ABCA12: variants seen among roughly 807,000 people sequenced by gnomAD.
ABCA12 encodes glucosylceramide transporter ABCA12.
In ABCA12, 156 loss-of-function variants were observed where a neutral mutation model predicts 293.5. The ratio of observed to expected loss-of-function variants is 0.53; its 90% CI spans 0.47 to 0.61. The LOEUF is 0.61. Ranked by LOEUF, ABCA12 falls within the 20% of genes least tolerant of loss-of-function variation. The pLI, the probability that ABCA12 is intolerant of heterozygous loss-of-function variation, is 0.00. For synonymous variants in ABCA12, 1,063 were observed against 1,108.0 expected (o/e 0.96, Z 0.81); for missense variants, 2,797 against 3,090.2 (o/e 0.91, Z 2.25).
chr2:214,937,718 AC>A, intron 50 of ABCA12, 103 bp from the exon 51 acceptor site: 1 of 813,214 alleles, frequency 1.2e-6, no homozygotes, highest in Non-Finnish European at 2.1e-6. Context: ...CCATTATATC[AC>A]CTTTTCTTTA....
intron 30 of ABCA12, among the ~76,000 whole-genome samples, chr2:214,981,156 G>A (rs1424516968): frequency 1.3e-5 from 2 of 151,628 alleles, no homozygotes; most frequent in South Asian, 2.1e-4. Flanking sequence ...ATATTTGGAC[G>A]CATTTTTTTT....
intron 8 of ABCA12, among the ~76,000 whole-genome samples, chr2:215,034,411 G>T (rs1023504517): frequency 5.9e-5 from 9 of 152,128 alleles, no homozygotes; most frequent in African/African-American, 1.7e-4. Flanking sequence ...AGAAATCAGA[G>T]TGTGGAGAGG....
chr2:214,979,145 A>G, intron 31 of ABCA12, 105 bp from the exon 32 acceptor site: 1 of 990,970 alleles, frequency 1.0e-6, no homozygotes, highest in Non-Finnish European at 1.6e-6. Flanking sequence ...GCCACTCCAC[A>G]CCTGAGTCAG....
intron 8 of ABCA12, among the ~76,000 whole-genome samples, chr2:215,033,987 G>T (rs1700938425): frequency 6.6e-6 from 1 of 152,038 alleles, no homozygotes; most frequent in African/African-American, 2.4e-5. Context: ...TACTGGGATA[G>T]ACACAGCTAA....
At chr2:215,116,946 G>A (rs1702699056) in intron 1 of ABCA12, among the ~76,000 whole-genome samples, 1 of 152,188 alleles carries the variant, frequency 6.6e-6, no homozygotes, top group Non-Finnish European at 1.5e-5. Context: ...AGATGCAGCA[G>A]GTAATTCTAA....
At chr2:214,941,757 C>T (rs1698409858) in intron 50 of ABCA12, among the ~76,000 whole-genome samples, 1 of 150,000 alleles carries the variant, frequency 6.7e-6, no homozygotes, top group African/African-American at 2.4e-5. Context: ...TTTGTTTTAT[C>T]AGAGACTAGG....
intron 48 of ABCA12, among the ~76,000 whole-genome samples, chr2:214,946,178 CTG>C (rs972541464): frequency 9.2e-5 from 14 of 152,058 alleles, no homozygotes; most frequent in African/African-American, 2.9e-4. Context: ...AAATATCACA[CTG>C]TACTCCATAA....
At chr2:215,031,467 A>G (rs1025512303) in intron 9 of ABCA12, among the ~76,000 whole-genome samples, 1 of 152,196 alleles carries the variant, frequency 6.6e-6, no homozygotes, top group Non-Finnish European at 1.5e-5. Flanking sequence ...TGCACAGAGC[A>G]AGACAGATAC....
At chr2:214,982,462 A>G (rs1031221866) in intron 29 of ABCA12, 79 bp from the exon 30 acceptor site, 15 of 1,140,394 alleles carry the variant, frequency 1.3e-5, no homozygotes, top group Non-Finnish European at 2.0e-5. Flanking sequence ...ACCCTAATTG[A>G]TATGTATTCA....
chr2:215,064,345 C>G (rs1701597439), intron 2 of ABCA12, 126 bp from the exon 3 acceptor site: 21 of 940,658 alleles, frequency 2.2e-5, no homozygotes, highest in Non-Finnish European at 3.5e-5. Context: ...CCCAACTGAG[C>G]CCCAACTCTG....
At chr2:215,102,011 T>A (rs1702366251) in intron 2 of ABCA12, among the ~76,000 whole-genome samples, 1 of 150,774 alleles carries the variant, frequency 6.6e-6, no homozygotes, top group South Asian at 2.1e-4. Context: ...AATGGTCCTA[T>A]TTTATTTGTT....
chr2:215,037,871 G>A (rs1467663103), intron 7 of ABCA12, among the ~76,000 whole-genome samples: 2 of 152,148 alleles, frequency 1.3e-5, no homozygotes. Flanking sequence ...CAACAGTTGA[G>A]TCAATGCTTT....
rs75783584 is a variant in ABCA12, at chr2:214,990,115, G to A, written c.3625-494C>T. The stretch of plus-strand genomic sequence containing the variant: ...TTTAAACCCAAAGTTGTCAATGCTA[G>A]ATAAAGTTATTCATTACTTTTTATT... On this transcript the variant is annotated intron_variant, in intron 24 of 52. Coordinates refer to ENST00000272895, the MANE Select transcript of ABCA12 (RefSeq NM_173076.3). Among the ~76,000 whole-genome samples the A allele has an allele frequency of 7.4e-3, 1,122 of 152,290 alleles. 8 individuals carry two copies. Among genetic ancestry groups the A allele is most frequent in the African/African-American group, 0.026 (1,065 of 41,570 alleles).
At chr2:215,091,008 C>T (rs542701666) in intron 2 of ABCA12, among the ~76,000 whole-genome samples, 10 of 152,236 alleles carry the variant, frequency 6.6e-5, no homozygotes, top group African/African-American at 1.2e-4. Flanking sequence ...CCCTAGCCTA[C>T]AAGATCTAGA....
At chr2:215,007,984 A>T in intron 18 of ABCA12, 138 bp from the exon 19 acceptor site, 1 of 1,099,520 alleles carries the variant, frequency 9.1e-7, no homozygotes, top group Non-Finnish European at 1.3e-6. Flanking sequence ...AATTGTCAGA[A>T]ATTTCCCACA....
intron 2 of ABCA12, among the ~76,000 whole-genome samples, chr2:215,066,454 G>A (rs1701641735): frequency 6.6e-6 from 1 of 151,608 alleles, no homozygotes; most frequent in Non-Finnish European, 1.5e-5. Flanking sequence ...AGGGAAAGAA[G>A]GAAAAAGATG....
At chr2:215,029,246 G>A (rs1011076813) in intron 9 of ABCA12, 1 of 152,118 alleles carries the variant, frequency 6.6e-6, no homozygotes, top group Admixed American at 6.5e-5. Flanking sequence ...ATACACTTGA[G>A]TTAGTATCTG....
At chr2:215,110,318 G>A (rs547880422) in intron 2 of ABCA12, among the ~76,000 whole-genome samples, 16 of 152,100 alleles carry the variant, frequency 1.1e-4, no homozygotes, top group South Asian at 2.1e-4. Flanking sequence ...AGACCATCCC[G>A]GCTAACACAG....
At chr2:215,024,893 A>G (rs1290516142) in intron 11 of ABCA12, among the ~76,000 whole-genome samples, 1 of 152,194 alleles carries the variant, frequency 6.6e-6, no homozygotes, top group Admixed American at 6.5e-5. Flanking sequence ...AAAGAATAAT[A>G]GACAAATAAG....
Sources: allele counts gnomAD v4.1 joint callset (sites outside exome capture counted in the v4.1 genomes callset), GRCh38; gene constraint gnomAD v4.1.1; transcripts MANE v1.5; gene names NCBI Gene and HGNC (gene_info 2026-07-23, HGNC 2026-07-21).